The following GSK3B variants were observed in gnomAD, a reference collection of about 807,000 sequenced individuals.
The protein encoded by GSK3B is glycogen synthase kinase-3 beta.
A neutral mutation model predicts 56.4 loss-of-function variants in GSK3B; 15 were observed. The observed-to-expected ratio is 0.27, with a 90% CI of 0.18 to 0.41. The LOEUF is 0.41. Ranked by LOEUF, GSK3B falls within the 10% of genes least tolerant of loss-of-function variation. The pLI, the probability that GSK3B is intolerant of heterozygous loss-of-function variation, is 1.00. For synonymous variants in GSK3B, 181 were observed against 188.9 expected, an observed-to-expected ratio of 0.96 and a Z score of 0.34; for missense variants, 300 against 513.4, an observed-to-expected ratio of 0.58 and a Z score of 4.02.
At chr3:119,848,837 T>C (rs991684428) in intron 9 of GSK3B, among the ~76,000 whole-genome samples, 3 of 152,214 alleles carry the variant, frequency 2.0e-5, no homozygotes, top group Admixed American at 2.0e-4. Flanking sequence ...AAACTATTCA[T>C]TTTCCTTTCC....
At chr3:119,952,678 C>A (rs1440441422) in intron 2 of GSK3B, among the ~76,000 whole-genome samples, 4 of 148,444 alleles carry the variant, frequency 2.7e-5, no homozygotes, top group Admixed American at 6.7e-5. Context: ...CAATTAATAG[C>A]CGACTAATCA....
chr3:119,996,673 T>C (rs1459666556), intron 2 of GSK3B, among the ~76,000 whole-genome samples: 2 of 152,024 alleles, frequency 1.3e-5, no homozygotes, highest in African/African-American at 4.8e-5. Context: ...TTCAGAGTTC[T>C]ACAGTTCATT....
chr3:120,013,377 C>G (rs1214811758), intron 1 of GSK3B, among the ~76,000 whole-genome samples: 1 of 152,104 alleles, frequency 6.6e-6, no homozygotes, highest in Non-Finnish European at 1.5e-5. Flanking sequence ...AAATCCAGTG[C>G]TGAGAAAAAG....
At chr3:119,949,567 T>A (rs1425771341) in intron 2 of GSK3B, among the ~76,000 whole-genome samples, 3 of 152,096 alleles carry the variant, frequency 2.0e-5, no homozygotes, top group Non-Finnish European at 2.9e-5. Context: ...GGAGTTATGT[T>A]CAGAGAGGCA....
At chr3:120,002,891 C>A (rs935001122) in intron 1 of GSK3B, among the ~76,000 whole-genome samples, 1 of 152,104 alleles carries the variant, frequency 6.6e-6, no homozygotes, top group Non-Finnish European at 1.5e-5. Context: ...CCTTATCCAT[C>A]CAATTCTAAA....
At chr3:119,916,899 T>C (rs1194120659) in intron 4 of GSK3B, among the ~76,000 whole-genome samples, 1 of 152,190 alleles carries the variant, frequency 6.6e-6, no homozygotes, top group African/African-American at 2.4e-5. Flanking sequence ...ACCAAAAAGA[T>C]ACACTGAGAA....
At chr3:119,855,667 A>G (rs2056010112) in intron 9 of GSK3B, among the ~76,000 whole-genome samples, 1 of 152,246 alleles carries the variant, frequency 6.6e-6, no homozygotes, top group African/African-American at 2.4e-5. Context: ...GGATGAGTTC[A>G]TGTCCTCTGT....
chr3:119,879,357 T>A (rs2056352957), intron 7 of GSK3B, among the ~76,000 whole-genome samples: 1 of 151,952 alleles, frequency 6.6e-6, no homozygotes, highest in Non-Finnish European at 1.5e-5. Flanking sequence ...ATTTTTTCTA[T>A]TTTTTAGTAG....
intron 3 of GSK3B, among the ~76,000 whole-genome samples, chr3:119,933,175 C>T (rs2056963650): frequency 6.6e-6 from 1 of 152,084 alleles, no homozygotes; most frequent in African/African-American, 2.4e-5. Flanking sequence ...TGCTCAGCCT[C>T]ACTCATAATT....
Position 119,824,229 on chromosome 3 carries a change from TATTA to T in GSK3B, c.*2555_*2558del, listed in dbSNP as rs2055462481. The T allele has an allele frequency of 4.7e-6, 1 of 214,980 alleles. No homozygotes were observed. Among genetic ancestry groups the T allele is most frequent in the African/African-American group, 2.3e-5 (1 of 44,342 alleles). The allele number at this position is 214,980 out of a possible 1,614,324, so 13.3% of individuals were successfully genotyped here. Reference sequence around the variant, plus strand: ...AATTTGGTGAGGAGCTTTTTATTATTATTATATACAAAAAGATATTCAGAGACCT... The same window carrying T: ...AATTTGGTGAGGAGCTTTTTATTATTTATACAAAAAGATATTCAGAGACCT... On this transcript the variant is annotated 3_prime_UTR_variant, in exon 11 of 11. Coordinates refer to ENST00000264235, the MANE Select transcript of GSK3B (RefSeq NM_001146156.2).
intron 1 of GSK3B, among the ~76,000 whole-genome samples, chr3:120,054,028 T>C (rs1213171015): frequency 1.3e-5 from 2 of 152,186 alleles, no homozygotes; most frequent in African/African-American, 4.8e-5. Flanking sequence ...GCTATTAATA[T>C]ATTCTTTGAT....
intron 5 of GSK3B, among the ~76,000 whole-genome samples, chr3:119,915,550 C>CAT (rs368886402): frequency 1.4e-3 from 209 of 149,780 alleles, no homozygotes; most frequent in African/African-American, 2.9e-3. Flanking sequence ...TGTGTGTGTA[C>CAT]ATATATATAT....
chr3:119,846,195 C>T (rs2055853192), intron 9 of GSK3B, among the ~76,000 whole-genome samples: 1 of 152,022 alleles, frequency 6.6e-6, no homozygotes, highest in Admixed American at 6.5e-5. Context: ...CCATAAAAAC[C>T]CTAGAAGGAA....
At chr3:120,030,276 T>C (rs2057964515) in intron 1 of GSK3B, among the ~76,000 whole-genome samples, 1 of 152,168 alleles carries the variant, frequency 6.6e-6, no homozygotes, top group African/African-American at 2.4e-5. Flanking sequence ...CCCCAGATTA[T>C]CTCATGCATT....
chr3:120,038,453 G>C (rs1183845805), intron 1 of GSK3B, among the ~76,000 whole-genome samples: 1 of 152,094 alleles, frequency 6.6e-6, no homozygotes, highest in Non-Finnish European at 1.5e-5. Context: ...GATTGAGCCT[G>C]GGAGGTTGAG....
intron 2 of GSK3B, among the ~76,000 whole-genome samples, chr3:119,974,339 G>A (rs1021004609): frequency 6.6e-6 from 1 of 152,142 alleles, no homozygotes; most frequent in African/African-American, 2.4e-5. Context: ...CTCATACACT[G>A]AAACCTAAGC....
intron 1 of GSK3B, among the ~76,000 whole-genome samples, chr3:120,028,364 C>T (rs777715867): frequency 2.6e-5 from 4 of 152,172 alleles, no homozygotes; most frequent in South Asian, 2.1e-4. Flanking sequence ...ATTTACCTCA[C>T]GAGAAACTAG....
chr3:120,027,635 T>C (rs1258879277), intron 1 of GSK3B, among the ~76,000 whole-genome samples: 1 of 152,138 alleles, frequency 6.6e-6, no homozygotes, highest in African/African-American at 2.4e-5. Context: ...AAATTACATT[T>C]TCCAAGAATA....
At chr3:119,975,349 G>C (rs1355007244) in intron 2 of GSK3B, among the ~76,000 whole-genome samples, 3 of 151,952 alleles carry the variant, frequency 2.0e-5, no homozygotes. Context: ...TGGGAGGCTG[G>C]GGCAGGAGAA....
Sources: gnomAD v4.1 joint callset for allele counts (sites outside exome capture counted in the v4.1 genomes callset) on GRCh38, gnomAD v4.1.1 for gene constraint, MANE v1.5 for transcripts, NCBI Gene and HGNC (gene_info 2026-07-23, HGNC 2026-07-21) for gene names.